Variants in ANKRD44 observed in about 807,000 individuals in gnomAD.
ANKRD44 encodes the protein ankyrin repeat domain 44, also known as serine/threonine-protein phosphatase 6 regulatory ankyrin repeat subunit B.
In ANKRD44, 35 loss-of-function variants were observed where a neutral mutation model predicts 116.0. That is an observed-to-expected ratio of 0.30 (90% CI 0.23 to 0.40). The LOEUF is 0.40. Ranked by LOEUF, ANKRD44 falls within the 10% of genes least tolerant of loss-of-function variation. ANKRD44 has a pLI of 1.00. For missense variants in ANKRD44, 1,014 were observed against 1,242.6 expected, an observed-to-expected ratio of 0.82 and a Z score of 2.77; for synonymous variants, 435 against 461.8, an observed-to-expected ratio of 0.94 and a Z score of 0.74.
rs1008037769 is a variant in ANKRD44, at chr2:197,310,548, G to C, written c.27+30C>G. 6 of 1,130,658 alleles carry C rather than the reference G, an allele frequency of 5.3e-6. No individual in the cohort carries two copies. The African/African-American group carries it at 1.0e-4, about 19-fold the overall frequency. The allele number at this position is 1,130,658 out of a possible 1,614,324, so 70.0% of individuals were successfully genotyped here. ...GCTCCGCGCCGCCCCGCGCCCGCGC[G>C]TCCCGCCCGCCGGCGCCGCCGCCCG... is the stretch of plus-strand genomic sequence containing the variant. On this transcript the variant is annotated intron_variant, in intron 1 of 27. Transcript: ENST00000282272.
chr2:197,272,561 A>C (rs2082930579), intron 1 of ANKRD44, among the ~76,000 whole-genome samples: 1 of 152,198 alleles, frequency 6.6e-6, no homozygotes, highest in African/African-American at 2.4e-5. Context: ...TAAGCCACCC[A>C]GTTGATATTT....
At chr2:197,153,631 A>T (rs1403428956) in intron 2 of ANKRD44, among the ~76,000 whole-genome samples, 1 of 152,224 alleles carries the variant, frequency 6.6e-6, no homozygotes, top group Non-Finnish European at 1.5e-5. Context: ...GTTTACTTTC[A>T]ATTTTTAACA....
At chr2:196,990,413 A>G (rs2075895840) in intron 27 of ANKRD44, 1 of 1,116,032 alleles carries the variant, frequency 9.0e-7, no homozygotes, top group Non-Finnish European at 1.1e-6. Context: ...AATTAAATAC[A>G]TCTTTTATTC....
intron 21 of ANKRD44, among the ~76,000 whole-genome samples, chr2:196,968,494 A>G (rs748026115): frequency 6.6e-6 from 1 of 152,216 alleles, no homozygotes; most frequent in Non-Finnish European, 1.5e-5. Context: ...TTTGCCCATT[A>G]TAATACTTGC....
At chr2:197,118,631 GAGAGAGAGAAAGAA>G (rs1353810589) in intron 8 of ANKRD44, among the ~76,000 whole-genome samples, 2 of 143,606 alleles carry the variant, frequency 1.4e-5, no homozygotes, top group African/African-American at 5.4e-5. Context: ...GAGAGAGAGA[GAGAGAGAGAAAGAA>G]AGAAAGAAAG....
intron 2 of ANKRD44, among the ~76,000 whole-genome samples, chr2:197,160,249 A>T (rs73991226): frequency 0.052 from 7,852 of 152,212 alleles, 677 homozygotes; most frequent in African/African-American, 0.18. Context: ...ACCTACATGC[A>T]GGCACAGATT....
chr2:197,052,767 T>C (rs1265735998), intron 16 of ANKRD44, among the ~76,000 whole-genome samples: 3 of 152,188 alleles, frequency 2.0e-5, no homozygotes, highest in Admixed American at 1.3e-4. Flanking sequence ...AAACAAAATA[T>C]TCCTTGTGCT....
intron 2 of ANKRD44, among the ~76,000 whole-genome samples, chr2:197,173,641 A>C (rs2080293930): frequency 6.6e-6 from 1 of 152,190 alleles, no homozygotes; most frequent in Non-Finnish European, 1.5e-5. Context: ...AGGGAAATCT[A>C]TTTTTAAGGT....
chr2:196,975,155 T>A (rs2075747991), intron 21 of ANKRD44, among the ~76,000 whole-genome samples: 1 of 152,132 alleles, frequency 6.6e-6, no homozygotes, highest in South Asian at 2.1e-4. Context: ...TACAGCAACA[T>A]AAAGGATTAG....
At position 197,201,943 on chromosome 2, in the gene ANKRD44, C is replaced by G. The variant is rs1250949747; in HGVS notation, c.28-14837G>C. On this transcript the variant is annotated intron_variant, in intron 1 of 27. Transcript: ENST00000282272. This position sits in a 1 kb window ranked among gnomAD's most constrained non-coding sequence, Gnocchi z 4.0. ...ATTCATAGCCACTGTTACCTCATCACCATGTAACATTCCAAGGGTTTAAAA... is the reference window on the plus strand; with the variant it reads ...ATTCATAGCCACTGTTACCTCATCAGCATGTAACATTCCAAGGGTTTAAAA... Among the ~76,000 whole-genome samples the G allele has an allele frequency of 1.3e-5, 2 of 152,214 alleles. No individual in the cohort carries two copies. The highest frequency in any genetic ancestry group is 2.4e-5 in the African/African-American group (1 of 41,458).
intron 1 of ANKRD44, among the ~76,000 whole-genome samples, chr2:197,260,653 T>A (rs577700774): frequency 6.6e-6 from 1 of 151,984 alleles, no homozygotes; most frequent in Non-Finnish European, 1.5e-5. Context: ...CTGAGGAATC[T>A]CCACACTGAC....
At position 196,987,778 on chromosome 2, in the gene ANKRD44, A is replaced by C. The variant is rs2075854557; in HGVS notation, c.*1813T>G. The stretch of plus-strand genomic sequence containing the variant: ...AACATGATCCTTGTAGTTGTGGTTA[A>C]AATACAGTCTAAAAATAACACAAAT... On this transcript the variant is annotated 3_prime_UTR_variant, in exon 28 of 28. Transcript: ENST00000282272. The C allele has an allele frequency of 2.0e-6, 2 of 985,350 alleles. No individual in the cohort carries two copies. The highest frequency in any genetic ancestry group is 9.4e-5 in the South Asian group (2 of 21,292). The allele number at this position is 985,350 out of a possible 1,614,324, so 61.0% of individuals were successfully genotyped here.
chr2:197,015,791 A>C, intron 17 of ANKRD44: 24 of 434,774 alleles, frequency 5.5e-5, no homozygotes, highest in East Asian at 3.3e-4. Flanking sequence ...GGGGGTAGAT[A>C]TGGTGGTGGG....
In ANKRD44 at chr2:197,203,150, C is replaced by G. The variant is rs1321067514; in HGVS notation, c.28-16044G>C. Among the ~76,000 whole-genome samples the G allele has an allele frequency of 6.6e-6, 1 of 152,012 alleles. No homozygotes were observed. Among genetic ancestry groups the G allele is most frequent in the Non-Finnish European group, 1.5e-5 (1 of 68,022 alleles). ...ACAGTCCCTCTTCAGGGAGGCTGTC[C>G]TATAGAAATAATGAGATATACAGAC... On this transcript the variant is annotated intron_variant, in intron 1 of 27. Coordinates refer to ENST00000282272, the MANE Select transcript of ANKRD44 (RefSeq NM_001195144.2). This position sits in a 1 kb window ranked among gnomAD's most constrained non-coding sequence, Gnocchi z 4.1.
chr2:197,300,434 C>T (rs563079776), intron 1 of ANKRD44, among the ~76,000 whole-genome samples: 2 of 152,286 alleles, frequency 1.3e-5, no homozygotes, highest in South Asian at 2.1e-4. Flanking sequence ...AATGACTTTG[C>T]CCATCTCTGG....
intron 1 of ANKRD44, among the ~76,000 whole-genome samples, chr2:197,252,297 A>T (rs912310624): frequency 6.6e-6 from 1 of 152,060 alleles, no homozygotes; most frequent in African/African-American, 2.4e-5. Context: ...TCCCTAAGAG[A>T]AACTTAAAAT....
At chr2:197,128,863 GTTA>G (rs1248188814) in intron 4 of ANKRD44, among the ~76,000 whole-genome samples, 1 of 151,984 alleles carries the variant, frequency 6.6e-6, no homozygotes, top group Non-Finnish European at 1.5e-5. Context: ...TCTAAAAATA[GTTA>G]TTATTTCAAA....
chr2:197,076,428 C>A (rs2077667258), intron 16 of ANKRD44, among the ~76,000 whole-genome samples: 1 of 152,100 alleles, frequency 6.6e-6, no homozygotes, highest in Non-Finnish European at 1.5e-5. Flanking sequence ...TGGGTTCCTA[C>A]AGAAAGAGGG....
chr2:197,013,644 A>G lies in ANKRD44; in HGVS notation c.1791T>C (p.Asp597=), dbSNP rs182893474. ...LQSLVDLDIR[D]EKGRTALDLA... ...GATCCAGAGCAGTGCGGCCTTTCTC[A>G]TCCCTGATGTCCAGGTCCACCAACG... The change falls in exon 18 of 28, where the codon GAT becomes GAC. Residue 597 remains aspartate (D), a synonymous_variant. Coordinates refer to ENST00000282272, the MANE Select transcript of ANKRD44 (RefSeq NM_001195144.2). The G allele has an allele frequency of 1.0e-4, 168 of 1,614,032 alleles. No individual in the cohort carries two copies. The Admixed American group carries it at 2.7e-3, about 26-fold the overall frequency.
Sources: allele counts gnomAD v4.1 joint callset (sites outside exome capture counted in the v4.1 genomes callset), GRCh38; gene constraint gnomAD v4.1.1; non-coding constraint Gnocchi (gnomAD v3.1); transcripts MANE v1.5; gene names NCBI Gene and HGNC (gene_info 2026-07-23, HGNC 2026-07-21).